Variants in DCC observed in about 807,000 individuals in gnomAD.
DCC encodes DCC netrin 1 receptor, also known as netrin receptor DCC.
DCC carries 58 observed loss-of-function variants against 172.5 expected under a neutral mutation model. The ratio of observed to expected loss-of-function variants is 0.34; its 90% CI spans 0.27 to 0.42. DCC has a LOEUF of 0.42. Ranked by LOEUF, DCC falls within the 10% of genes least tolerant of loss-of-function variation. The probability of loss-of-function intolerance (pLI) is 1.00; values close to 1 mark genes in which losing one functional copy is unlikely to be tolerated. For synonymous variants in DCC, 709 were observed against 644.5 expected (o/e 1.10, Z -1.52); for missense variants, 1,740 against 1,791.0 (o/e 0.97, Z 0.51).
chr18:52,506,557 T>C (rs1050144754), intron 1 of DCC, among the ~76,000 whole-genome samples: 2 of 152,138 alleles, frequency 1.3e-5, no homozygotes, highest in Non-Finnish European at 2.9e-5. Context: ...TATTGTCTGA[T>C]AAAAGAAAAT....
At chr18:52,784,834 A>G (rs149920441) in intron 2 of DCC, among the ~76,000 whole-genome samples, 37 of 151,534 alleles carry the variant, frequency 2.4e-4, no homozygotes, top group Middle Eastern at 6.8e-3. Flanking sequence ...ACCCAGACAC[A>G]TGTGAGTGGG....
At chr18:52,744,103 C>T (rs2036870030) in intron 1 of DCC, among the ~76,000 whole-genome samples, 1 of 152,046 alleles carries the variant, frequency 6.6e-6, no homozygotes, top group Admixed American at 6.5e-5. Context: ...ACAGGATGCT[C>T]TGTTATATTT....
chr18:53,486,334 T>C (rs941696034), intron 25 of DCC, among the ~76,000 whole-genome samples: 1 of 152,222 alleles, frequency 6.6e-6, no homozygotes, highest in African/African-American at 2.4e-5. Flanking sequence ...TCTCTCTCTC[T>C]CGACTGTCCC....
intron 11 of DCC, among the ~76,000 whole-genome samples, chr18:53,210,501 GT>G (rs1453073741): frequency 6.6e-6 from 1 of 152,112 alleles, no homozygotes; most frequent in African/African-American, 2.4e-5. Flanking sequence ...GAAGGATGCT[GT>G]TATATTCACC....
intron 8 of DCC, among the ~76,000 whole-genome samples, chr18:53,158,794 C>A (rs2054788295): frequency 6.6e-6 from 1 of 151,810 alleles, no homozygotes; most frequent in Admixed American, 6.6e-5. Context: ...GAGTTCAAGA[C>A]CAGCCTGACC....
chr18:52,936,887 A>G (rs968063435), intron 5 of DCC, among the ~76,000 whole-genome samples: 2 of 152,204 alleles, frequency 1.3e-5, no homozygotes, highest in Non-Finnish European at 2.9e-5. Flanking sequence ...CTAGGGAGCA[A>G]TATATGCCAT....
At chr18:52,739,736 C>T (rs981140348) in intron 1 of DCC, among the ~76,000 whole-genome samples, 1 of 152,196 alleles carries the variant, frequency 6.6e-6, no homozygotes, top group Non-Finnish European at 1.5e-5. Flanking sequence ...ATGTGAATGC[C>T]GTCGGCACTG....
intron 7 of DCC, among the ~76,000 whole-genome samples, chr18:53,085,714 T>C (rs1280104745): frequency 6.6e-6 from 1 of 151,906 alleles, no homozygotes; most frequent in African/African-American, 2.4e-5. Context: ...GGTGGGAAGA[T>C]GGTAGAATCA....
intron 7 of DCC, among the ~76,000 whole-genome samples, chr18:53,136,659 G>A (rs1299458426): frequency 6.6e-6 from 1 of 151,576 alleles, no homozygotes; most frequent in Non-Finnish European, 1.5e-5. Flanking sequence ...AAACTTTAGG[G>A]TTGATAAGGT....
At chr18:53,196,515 G>C (rs1158468458) in intron 9 of DCC, among the ~76,000 whole-genome samples, 1 of 152,052 alleles carries the variant, frequency 6.6e-6, no homozygotes, top group Non-Finnish European at 1.5e-5. Context: ...ACTGTTTCCA[G>C]TTCTAGGTTG....
At chr18:53,527,706 A>T (rs2046475334) in intron 28 of DCC, among the ~76,000 whole-genome samples, 1 of 152,024 alleles carries the variant, frequency 6.6e-6, no homozygotes, top group South Asian at 2.1e-4. Context: ...AAGAAAAAAA[A>T]AACATTTATC....
intron 2 of DCC, among the ~76,000 whole-genome samples, chr18:52,831,884 A>AG (rs1476834248): frequency 2.0e-5 from 3 of 152,120 alleles, no homozygotes; most frequent in Non-Finnish European, 4.4e-5. Context: ...GGGCAGCATG[A>AG]GGTCTATAAA....
At chr18:52,388,969 G>T (rs1023610145) in intron 1 of DCC, among the ~76,000 whole-genome samples, 1 of 152,104 alleles carries the variant, frequency 6.6e-6, no homozygotes, top group African/African-American at 2.4e-5. Context: ...GTTCAGGACC[G>T]AGGATAGCCA....
intron 1 of DCC, among the ~76,000 whole-genome samples, chr18:52,661,553 A>G (rs2035360510): frequency 6.6e-6 from 1 of 152,230 alleles, no homozygotes; most frequent in Non-Finnish European, 1.5e-5. Context: ...TGATGCCTCC[A>G]CAGGAGATGG....
At chr18:52,627,476 T>G (rs532782336) in intron 1 of DCC, among the ~76,000 whole-genome samples, 1 of 152,370 alleles carries the variant, frequency 6.6e-6, no homozygotes, top group South Asian at 2.1e-4. Flanking sequence ...GCCTTGTTTC[T>G]TAAATGCAAA....
intron 1 of DCC, among the ~76,000 whole-genome samples, chr18:52,606,099 G>A (rs928806953): frequency 2.0e-5 from 3 of 152,074 alleles, no homozygotes; most frequent in Admixed American, 1.3e-4. Context: ...AGGCCTGGAA[G>A]TGACCCATAG....
At chr18:53,451,366 C>T (rs1207339604) in intron 23 of DCC, among the ~76,000 whole-genome samples, 1 of 152,200 alleles carries the variant, frequency 6.6e-6, no homozygotes, top group Non-Finnish European at 1.5e-5. Flanking sequence ...ATCCTTGCAG[C>T]AACACCCTGT....
chr18:52,917,773 TAACA>T (rs1475528857), intron 3 of DCC, among the ~76,000 whole-genome samples: 5 of 152,172 alleles, frequency 3.3e-5, no homozygotes, highest in African/African-American at 1.2e-4. Context: ...GCCACCAGGA[TAACA>T]AACAGACCAG....
At chr18:52,627,215 C>A (rs1307888214) in intron 1 of DCC, among the ~76,000 whole-genome samples, 1 of 152,118 alleles carries the variant, frequency 6.6e-6, no homozygotes, top group Non-Finnish European at 1.5e-5. Context: ...TTTGCAGTTA[C>A]TTCATATTTT....
Sources: allele counts gnomAD v4.1 joint callset (sites outside exome capture counted in the v4.1 genomes callset), GRCh38; gene constraint gnomAD v4.1.1; transcripts MANE v1.5; gene names NCBI Gene and HGNC (gene_info 2026-07-23, HGNC 2026-07-21).